SLC13A1: variants seen among roughly 807,000 people sequenced by gnomAD.
The protein encoded by SLC13A1 is solute carrier family 13 member 1, also known as Na(+)/sulfate cotransporter.
A neutral mutation model predicts 70.0 loss-of-function variants in SLC13A1; 65 were observed. That is an observed-to-expected ratio of 0.93 (90% CI 0.76 to 1.14). The LOEUF (loss-of-function observed/expected upper bound fraction) is 1.14. Among genes scored for constraint, SLC13A1 ranks in the 50% most tolerant of loss-of-function variants. SLC13A1 has a pLI of 0.00. For synonymous variants in SLC13A1, 275 were observed against 250.5 expected, an observed-to-expected ratio of 1.10 and a Z score of -0.92; for missense variants, 726 against 717.8, an observed-to-expected ratio of 1.01 and a Z score of -0.13.
intron 1 of SLC13A1, among the ~76,000 whole-genome samples, chr7:123,196,090 T>C (rs1216911840): frequency 6.6e-6 from 1 of 152,052 alleles, no homozygotes; most frequent in South Asian, 2.1e-4. Flanking sequence ...AAGTTGCACA[T>C]AGAATATTAC....
At chr7:123,135,545 A>G (rs1372183608) in intron 7 of SLC13A1, among the ~76,000 whole-genome samples, 2 of 152,174 alleles carry the variant, frequency 1.3e-5, no homozygotes, top group Non-Finnish European at 2.9e-5. Flanking sequence ...AACTTTATAG[A>G]AATATTGATT....
chr7:123,128,133 A>G (rs999874131), intron 10 of SLC13A1, among the ~76,000 whole-genome samples: 2 of 152,052 alleles, frequency 1.3e-5, no homozygotes, highest in Non-Finnish European at 2.9e-5. Flanking sequence ...AATCAGTCCT[A>G]TTATTTCTTC....
At position 123,134,400 on chromosome 7, in the gene SLC13A1, A is replaced by G. The variant is rs775911387; in HGVS notation, c.932+10T>C. 2.5e-6 allele frequency: 4 copies of G among 1,611,450 alleles called. No individual in the cohort carries two copies. The highest frequency in any genetic ancestry group is 3.4e-6 in the Non-Finnish European group (4 of 1,178,692). On this transcript the variant is annotated intron_variant, in intron 8 of 14. Transcript: ENST00000194130. ...TTTATTTAGCCTATTAACATGAAAT[A>G]TTTACTTACTTGAATCCTAGGAAAA...
chr7:123,167,226 T>C (rs1265823526), intron 6 of SLC13A1, among the ~76,000 whole-genome samples: 1 of 152,214 alleles, frequency 6.6e-6, no homozygotes, highest in African/African-American at 2.4e-5. Context: ...ATCAGGCACA[T>C]AAAGCCCATT....
At chr7:123,122,096 A>C (rs1287684035) in intron 12 of SLC13A1, among the ~76,000 whole-genome samples, 1 of 152,082 alleles carries the variant, frequency 6.6e-6, no homozygotes, top group Non-Finnish European at 1.5e-5. Context: ...TTTGTATGCT[A>C]GGGTCTGGCT....
chr7:123,190,338 T>G (rs1400201328), intron 1 of SLC13A1: 1 of 332,160 alleles, frequency 3.0e-6, no homozygotes, highest in Non-Finnish European at 6.0e-6. Flanking sequence ...ATTTCCAACC[T>G]TGGCCTGGGG....
chr7:123,167,292 A>G (rs974919706), intron 6 of SLC13A1, among the ~76,000 whole-genome samples: 2 of 152,234 alleles, frequency 1.3e-5, no homozygotes, highest in Non-Finnish European at 2.9e-5. Flanking sequence ...CATGTTTTAT[A>G]GGAATTATTT....
intron 6 of SLC13A1, chr7:123,149,468 T>C: frequency 2.2e-6 from 1 of 456,574 alleles, no homozygotes; most frequent in South Asian, 1.5e-5. Context: ...GACTCTTCCC[T>C]TCTTTCGACT....
chr7:123,166,058 C>A (rs1194129580), intron 6 of SLC13A1, among the ~76,000 whole-genome samples: 4 of 151,958 alleles, frequency 2.6e-5, no homozygotes, highest in Non-Finnish European at 5.9e-5. Context: ...TGCAGTACTC[C>A]CAGATCAAAC....
intron 7 of SLC13A1, among the ~76,000 whole-genome samples, chr7:123,141,708 G>C (rs977085947): frequency 5.3e-5 from 8 of 151,988 alleles, no homozygotes; most frequent in Non-Finnish European, 1.5e-5. Flanking sequence ...TATACTTTTT[G>C]TCATGAAATC....
At chr7:123,147,370 T>G in intron 6 of SLC13A1, 60 bp from the exon 7 acceptor site, 5 of 1,564,090 alleles carry the variant, frequency 3.2e-6, no homozygotes, top group Non-Finnish European at 2.6e-6. Context: ...ATGGACTGAA[T>G]ATTTGTGTCC....
chr7:123,121,734 G>A (rs1450594473), intron 12 of SLC13A1, among the ~76,000 whole-genome samples: 3 of 152,104 alleles, frequency 2.0e-5, no homozygotes, highest in East Asian at 1.9e-4. Flanking sequence ...TTGCAATGAG[G>A]TGAATTCCAT....
chr7:123,191,292 C>T (rs1225718699), intron 1 of SLC13A1, among the ~76,000 whole-genome samples: 3 of 152,146 alleles, frequency 2.0e-5, no homozygotes, highest in South Asian at 4.1e-4. Flanking sequence ...GCCATCATAG[C>T]CAGCGATCAA....
In SLC13A1 at chr7:123,169,347, G is replaced by C. The variant is rs750792406; in HGVS notation, c.366-12C>G. On this transcript the variant is annotated splice_polypyrimidine_tract_variant and intron_variant, in intron 3 of 14. Coordinates refer to ENST00000194130, the MANE Select transcript of SLC13A1 (RefSeq NM_022444.4). ...ACCCCAGCGTCAGCCTGAAACCAGA[G>C]AGCCATTATTGTGGAGCTGTGCTCT... The C allele has an allele frequency of 3.1e-6, 5 of 1,609,480 alleles. No homozygotes were observed. Among genetic ancestry groups the C allele is most frequent in the Non-Finnish European group, 2.5e-6 (3 of 1,179,540 alleles).
At position 123,115,491 on chromosome 7, in the gene SLC13A1, G is replaced by T. The variant is rs367604936; in HGVS notation, c.*27C>A. On this transcript the variant is annotated 3_prime_UTR_variant, in exon 15 of 15. Transcript: ENST00000194130. ...TCATTAATGTCTTCCAGAAATTACCGCAAGATAGTCAGAAATTTTGTGCTT... is the reference window on the plus strand; with the variant it reads ...TCATTAATGTCTTCCAGAAATTACCTCAAGATAGTCAGAAATTTTGTGCTT... 2.5e-6 allele frequency: 4 copies of T among 1,597,338 alleles called. No homozygotes were observed. The South Asian group carries it at 3.4e-5, about 13-fold the overall frequency.
chr7:123,115,492 C>T lies in SLC13A1; in HGVS notation c.*26G>A, dbSNP rs770764214. On this transcript the variant is annotated 3_prime_UTR_variant, in exon 15 of 15. Coordinates refer to ENST00000194130, the MANE Select transcript of SLC13A1 (RefSeq NM_022444.4). ...CATTAATGTCTTCCAGAAATTACCG[C>T]AAGATAGTCAGAAATTTTGTGCTTA... The T allele has an allele frequency of 1.1e-5, 18 of 1,599,382 alleles. No individual in the cohort carries two copies. The highest frequency in any genetic ancestry group is 2.2e-5 in the East Asian group (1 of 44,608).
At chr7:123,175,157 A>T (rs1038269589) in intron 2 of SLC13A1, among the ~76,000 whole-genome samples, 1 of 152,094 alleles carries the variant, frequency 6.6e-6, no homozygotes, top group Non-Finnish European at 1.5e-5. Context: ...AAGTCCCTAG[A>T]CTTAAAGAGC....
intron 10 of SLC13A1, among the ~76,000 whole-genome samples, chr7:123,128,214 T>C (rs1452607064): frequency 6.6e-6 from 1 of 151,708 alleles, no homozygotes; most frequent in East Asian, 1.9e-4. Flanking sequence ...TGTAAATAAA[T>C]GAAGAAAAAA....
Position 123,169,251 on chromosome 7 carries a change from A to C in SLC13A1, c.450T>G (p.Ile150Met). The C allele has an allele frequency of 6.2e-7, 1 of 1,614,114 alleles. No homozygotes were observed. Among genetic ancestry groups the C allele is most frequent in the South Asian group, 1.1e-5 (1 of 91,090 alleles). ...TGATCTGCTGCACTACAGCCTCCGCAATGGGCATCACCATGGCAGCCGTCG... is the reference window on the plus strand; with the variant it reads ...TGATCTGCTGCACTACAGCCTCCGCCATGGGCATCACCATGGCAGCCGTCG... ...NTSTAAMVMP[I>M]AEAVVQQIIN... Residue 150 changes from isoleucine (I) to methionine (M), a missense_variant, in exon 4 of 15, where the codon ATT becomes ATG. Ile to Met is a conservative substitution (Grantham distance 10, BLOSUM62 1). Transcript: ENST00000194130.
Sources: allele counts gnomAD v4.1 joint callset (sites outside exome capture counted in the v4.1 genomes callset), GRCh38; gene constraint gnomAD v4.1.1; transcripts MANE v1.5; gene names NCBI Gene and HGNC (gene_info 2026-07-23, HGNC 2026-07-21).